UMODL1: variants seen among roughly 807,000 people sequenced by gnomAD.
UMODL1 encodes the protein uromodulin-like 1.
Under a neutral mutation model 136.3 loss-of-function variants are expected in UMODL1, and 128 were observed. That is an observed-to-expected ratio of 0.94 (90% CI 0.81 to 1.09). The LOEUF is 1.09. Among genes scored for constraint, UMODL1 ranks in the 50% least tolerant of loss-of-function variants. The pLI is 0.00. For synonymous variants in UMODL1, 721 were observed against 720.0 expected (o/e 1.00, Z -0.02); for missense variants, 1,766 against 1,725.6 (o/e 1.02, Z -0.41).
rs2146503235 is a variant in UMODL1, at chr21:42,111,037, GAC to G, written c.1816_1817del (p.Thr606ProfsTer16). ...QGTPAAGQAWTPEPSPRRGGS... is the reference protein window; with the variant it reads ...QGTPAAGQAWXPEPSPRRGGS... ...GCACCCCGGCAGCAGGCCAGGCCTG[GAC>G]CCCAGAGCCCTCACCCAGAAGAGGG... On this transcript the variant is annotated frameshift_variant, in exon 11 of 23. Coordinates refer to ENST00000408910, the MANE Select transcript of UMODL1 (RefSeq NM_001004416.3). LOFTEE classifies it high-confidence loss of function. 6.2e-7 allele frequency: 1 copy of G among 1,613,362 alleles called. No individual in the cohort carries two copies. The highest frequency in any genetic ancestry group is 2.2e-5 in the East Asian group (1 of 44,872).
At position 42,085,508 on chromosome 21, in the gene UMODL1, G is replaced by C; in HGVS notation, c.603+96G>C. 6.3e-7 allele frequency: 1 copy of C among 1,581,906 alleles called. No homozygotes were observed. The highest frequency in any genetic ancestry group is 1.1e-5 in the South Asian group (1 of 88,786). On this transcript the variant is annotated intron_variant, in intron 4 of 22. Coordinates refer to ENST00000408910, the MANE Select transcript of UMODL1 (RefSeq NM_001004416.3). This position sits in a 1 kb window ranked among gnomAD's most constrained non-coding sequence, Gnocchi z 4.5. The stretch of plus-strand genomic sequence containing the variant: ...CCGTGGAAGGGACCTGGGGGTTGGG[G>C]AGGGTGATGTTCCCCAAATGGCCCC...
At chr21:42,090,535 C>A in intron 6 of UMODL1, 97 bp downstream of exon 6, 3 of 1,432,884 alleles carry the variant, frequency 2.1e-6, no homozygotes, top group Non-Finnish European at 2.8e-6. Flanking sequence ...AGCATTCACC[C>A]CGAGATAACT....
chr21:42,082,716 C>T (rs1387074295), intron 2 of UMODL1, among the ~76,000 whole-genome samples: 1 of 152,172 alleles, frequency 6.6e-6, no homozygotes, highest in Non-Finnish European at 1.5e-5. Flanking sequence ...GCCCTGGGCC[C>T]ACCTCTGCCG....
chr21:42,111,516 A>ACTCCATCATGGAGC lies in UMODL1; in HGVS notation c.1912_1925dup (p.Pro646SerfsTer29), dbSNP rs1462392378. The ACTCCATCATGGAGC allele has an allele frequency of 6.2e-7, 1 of 1,613,622 alleles. No individual in the cohort carries two copies. On this transcript the variant is annotated frameshift_variant, in exon 12 of 23. Transcript: ENST00000408910. LOFTEE classifies it high-confidence loss of function. ...GCCCTCCCTGGACAGCTACAGGGAA[A>ACTCCATCATGGAGC]CTCCATCATGGAGCCACCCTCCTGG...
Position 42,085,615 on chromosome 21 carries a change from C to G in UMODL1, c.603+203C>G. On this transcript the variant is annotated intron_variant, in intron 4 of 22. Coordinates refer to ENST00000408910, the MANE Select transcript of UMODL1 (RefSeq NM_001004416.3). This position sits in a 1 kb window ranked among gnomAD's most constrained non-coding sequence, Gnocchi z 4.5. The stretch of plus-strand genomic sequence containing the variant: ...TGATTTACATGCAACAAAATGCACA[C>G]AACTGAAGCGTGTAGTTGGCTGAGT... The G allele has an allele frequency of 1.4e-6, 1 of 733,240 alleles. No homozygotes were observed. Among genetic ancestry groups the G allele is most frequent in the South Asian group, 1.8e-5 (1 of 55,860 alleles). 45.4% of individuals were successfully genotyped at this position (733,240 alleles called of 1,614,324 possible). A position where few individuals can be genotyped will look rare whatever the true frequency, so the allele number is the denominator to read the frequency against.
intron 9 of UMODL1, among the ~76,000 whole-genome samples, chr21:42,107,210 G>A (rs1216061098): frequency 6.6e-6 from 1 of 152,216 alleles, no homozygotes; most frequent in Non-Finnish European, 1.5e-5. Flanking sequence ...GTTCTAGAGT[G>A]AGGGTCATCA....
intron 1 of UMODL1, among the ~76,000 whole-genome samples, chr21:42,072,752 T>C (rs1285598093): frequency 1.3e-5 from 2 of 152,134 alleles, no homozygotes; most frequent in African/African-American, 4.8e-5. Context: ...TGAGCCTGGG[T>C]GTGAGCACAG....
rs549345006 is a variant in UMODL1 at position 42,077,140 on chromosome 21, C to T, written c.319+893C>T. 1.4e-3 allele frequency among the ~76,000 whole-genome samples: 212 copies of T among 150,908 alleles called. 2 individuals carry two copies. Among genetic ancestry groups the T allele is most frequent in the Middle Eastern group, 6.8e-3 (2 of 292 alleles). ...ACAGTCAGAAGGTCCTGCCTTGCACCCCCACTGTGGAGGGATGTGGGGGTG... is the reference window on the plus strand; with the variant it reads ...ACAGTCAGAAGGTCCTGCCTTGCACTCCCACTGTGGAGGGATGTGGGGGTG... On this transcript the variant is annotated intron_variant, in intron 2 of 22. Coordinates refer to ENST00000408910, the MANE Select transcript of UMODL1 (RefSeq NM_001004416.3).
intron 6 of UMODL1, among the ~76,000 whole-genome samples, chr21:42,097,797 C>G (rs1482679909): frequency 3.3e-5 from 5 of 152,308 alleles, no homozygotes; most frequent in Admixed American, 3.3e-4. Context: ...TGCCCAGACA[C>G]TTGCTGTACA....
chr21:42,092,253 G>A (rs767784120), intron 6 of UMODL1, among the ~76,000 whole-genome samples: 3 of 152,160 alleles, frequency 2.0e-5, no homozygotes, highest in Non-Finnish European at 4.4e-5. Context: ...ACAGGCTGAG[G>A]GAAGGAAAGC....
At chr21:42,136,726 T>TG (rs1352804724) in intron 21 of UMODL1, among the ~76,000 whole-genome samples, 2 of 132,130 alleles carry the variant, frequency 1.5e-5, no homozygotes, top group African/African-American at 5.2e-5. Context: ...TTTCTTTTTT[T>TG]TTGTTTCTTG....
upstream of UMODL1, among the ~76,000 whole-genome samples, chr21:42,067,631 G>GTGTCCAC (rs906595200): frequency 1.3e-5 from 2 of 152,192 alleles, no homozygotes; most frequent in African/African-American, 4.8e-5. Context: ...CGGCACGTGC[G>GTGTCCAC]TGTCCACTGC....
At chr21:42,077,205 T>C (rs2066305114) in intron 2 of UMODL1, among the ~76,000 whole-genome samples, 1 of 151,872 alleles carries the variant, frequency 6.6e-6, no homozygotes, top group Non-Finnish European at 1.5e-5. Flanking sequence ...CACTGAGACA[T>C]AAGGGCTGTG....
At chr21:42,120,645 A>G (rs2066957826) in intron 15 of UMODL1, 1 of 154,524 alleles carries the variant, frequency 6.5e-6, no homozygotes, top group Non-Finnish European at 1.4e-5. Context: ...TCTGGTTCTT[A>G]TCCATGTTCT....
chr21:42,098,232 G>A (rs997946875), intron 6 of UMODL1, among the ~76,000 whole-genome samples: 2 of 152,088 alleles, frequency 1.3e-5, no homozygotes, highest in African/African-American at 2.4e-5. Flanking sequence ...AGAGCCCCAC[G>A]ACTCAATGCT....
Position 42,071,399 on chromosome 21 carries a change from G to C in UMODL1, c.76+7G>C, listed in dbSNP as rs1199189635. 11 of 1,577,714 alleles carry C rather than the reference G, an allele frequency of 7.0e-6. No homozygotes were observed. In the East Asian group the frequency reaches 2.6e-4, roughly 37 times the overall value. ...CAGGCCAGCGGCTTCACAGGTGAGGGGTCTGGGCTTGGCATGGGCAGTTCT... is the reference window on the plus strand; with the variant it reads ...CAGGCCAGCGGCTTCACAGGTGAGGCGTCTGGGCTTGGCATGGGCAGTTCT... On this transcript the variant is annotated splice_region_variant and intron_variant, in intron 1 of 22. Coordinates refer to ENST00000408910, the MANE Select transcript of UMODL1 (RefSeq NM_001004416.3).
rs140882690 is a variant in UMODL1, at chr21:42,139,531, G to A, written c.*21+1890G>A. Among the ~76,000 whole-genome samples the A allele has an allele frequency of 6.3e-3, 960 of 152,108 alleles. 13 individuals are homozygous for A. Among genetic ancestry groups the A allele is most frequent in the African/African-American group, 0.022 (916 of 41,484 alleles). ...ACATTGAACATGAAATTTGGGTGGG[G>A]ACACAGACCCACACCATATCAACTG... On this transcript the variant is annotated intron_variant, in intron 22 of 22. Coordinates refer to ENST00000408910, the MANE Select transcript of UMODL1 (RefSeq NM_001004416.3).
chr21:42,133,978 C>T (rs148282679), intron 21 of UMODL1, among the ~76,000 whole-genome samples: 184 of 152,248 alleles, frequency 1.2e-3, no homozygotes, highest in African/African-American at 4.2e-3. Context: ...AGTGCAGTGG[C>T]ATGATCTCGG....
chr21:42,141,532 G>T (rs2067281592), intron 22 of UMODL1, among the ~76,000 whole-genome samples: 1 of 152,234 alleles, frequency 6.6e-6, no homozygotes, highest in Non-Finnish European at 1.5e-5. Flanking sequence ...AGGAAATCTG[G>T]TGTATTGGTG....
Sources: gnomAD v4.1 joint callset for allele counts (sites outside exome capture counted in the v4.1 genomes callset) on GRCh38, gnomAD v4.1.1 for gene constraint, Gnocchi (gnomAD v3.1) non-coding constraint, MANE v1.5 for transcripts, NCBI Gene and HGNC (gene_info 2026-07-23, HGNC 2026-07-21) for gene names.